Variants in FKBP8 observed in about 807,000 individuals in gnomAD.
FKBP8 encodes the protein peptidyl-prolyl cis-trans isomerase FKBP8.
In FKBP8, 5 loss-of-function variants were observed where a neutral mutation model predicts 41.7. The observed-to-expected ratio is 0.12, with a 90% CI of 0.06 to 0.25. FKBP8 has a LOEUF of 0.25. FKBP8 is among the 10% of genes least tolerant of loss of function. The pLI, the probability that FKBP8 is intolerant of heterozygous loss-of-function variation, is 1.00. For missense variants in FKBP8, 397 were observed against 563.0 expected (o/e 0.71, Z 2.98); for synonymous variants, 279 against 254.5 (o/e 1.10, Z -0.92).
chr19:18,541,629 G>A, intron 2 of FKBP8, 50 bp downstream of exon 2: 1 of 1,553,322 alleles, frequency 6.4e-7, no homozygotes, highest in Non-Finnish European at 8.7e-7. Flanking sequence ...GAGGCTCAGG[G>A]GACGAGAGGG....
At chr19:18,532,497 G>C in intron 8 of FKBP8, 167 bp downstream of exon 8, 1 of 1,143,956 alleles carries the variant, frequency 8.7e-7, no homozygotes, top group Non-Finnish European at 1.2e-6. Flanking sequence ...TCCAGCTTGA[G>C]TTCCACCTTC....
At chr19:18,539,754 T>C in intron 2 of FKBP8, 34 bp from the exon 3 acceptor site, 2 of 1,599,508 alleles carry the variant, frequency 1.3e-6, no homozygotes, top group Non-Finnish European at 8.5e-7. Context: ...GCCTGTCACC[T>C]GGCAGCTCAA....
rs567709302 is a variant in FKBP8, at chr19:18,542,204, T to C, written c.-25-209A>G. On this transcript the variant is annotated intron_variant, in intron 1 of 8. Transcript: ENST00000608443. ...TCAAGCCCTTGGCATCAGGCTCAAA[T>C]AGTGTTAGCCATTATTAGAGCTAAT... 5 of 602,018 alleles carry C rather than the reference T, an allele frequency of 8.3e-6. No individual in the cohort carries two copies. The East Asian group carries it at 8.8e-5, about 11-fold the overall frequency. 37.3% of individuals were successfully genotyped at this position (602,018 alleles called of 1,614,324 possible).
intron 2 of FKBP8, among the ~76,000 whole-genome samples, chr19:18,541,077 G>A (rs559025563): frequency 2.6e-5 from 4 of 152,074 alleles, no homozygotes; most frequent in East Asian, 3.9e-4. Flanking sequence ...GTAGCAAGAC[G>A]TCTTCCACAG....
chr19:18,542,251 A>C, intron 1 of FKBP8: 1 of 420,126 alleles, frequency 2.4e-6, no homozygotes. Context: ...GTTTACAAAT[A>C]CTCCAGGAAG....
chr19:18,531,804 C>T lies in FKBP8; in HGVS notation c.*365G>A, dbSNP rs1468307630. ...TTATTTCACTGTGGCGGGGAGGGAACCTGGACAGGGGGCGGCAGGCGGGGT... is the reference window on the plus strand; with the variant it reads ...TTATTTCACTGTGGCGGGGAGGGAATCTGGACAGGGGGCGGCAGGCGGGGT... On this transcript the variant is annotated 3_prime_UTR_variant, in exon 9 of 9. Transcript: ENST00000608443. 3.9e-6 allele frequency: 1 copy of T among 253,612 alleles called. No homozygotes were observed. Among genetic ancestry groups the T allele is most frequent in the Admixed American group, 4.7e-5 (1 of 21,418 alleles). 15.7% of individuals were successfully genotyped at this position (253,612 alleles called of 1,614,324 possible).
At chr19:18,534,328 A>C (rs1299760483) in intron 6 of FKBP8, among the ~76,000 whole-genome samples, 24 of 152,096 alleles carry the variant, frequency 1.6e-4, no homozygotes, top group Admixed American at 1.2e-3. Flanking sequence ...AACAAACAAA[A>C]AAAACAGCCA....
Position 18,539,603 on chromosome 19 carries a change from A to C in FKBP8, c.410T>G (p.Val137Gly). The change falls in exon 3 of 9, where the codon GTG becomes GGG. Residue 137 changes from valine to glycine, a missense_variant. Transcript: ENST00000608443. ...LQTSLENGTR[V>G]QEEPELVFTL... Reference sequence around the variant, plus strand: ...GAACACCAGCTCCGGCTCCTCCTGCACCCGTGTGCCATTCTCCAGCGACGT... The same window carrying C: ...GAACACCAGCTCCGGCTCCTCCTGCCCCCGTGTGCCATTCTCCAGCGACGT... 1 of 1,613,158 alleles carries C rather than the reference A, an allele frequency of 6.2e-7. No homozygotes were observed. Among genetic ancestry groups the C allele is most frequent in the South Asian group, 1.1e-5 (1 of 91,088 alleles).
At position 18,537,556 on chromosome 19, in the gene FKBP8, T is replaced by C; in HGVS notation, c.945+45A>G. 2 of 1,530,042 alleles carry C rather than the reference T, an allele frequency of 1.3e-6. No individual in the cohort carries two copies. Among genetic ancestry groups the C allele is most frequent in the South Asian group, 2.5e-5 (2 of 80,502 alleles). 94.8% of individuals were successfully genotyped at this position (1,530,042 alleles called of 1,614,324 possible). A position where few individuals can be genotyped will look rare whatever the true frequency, so the allele number is the denominator to read the frequency against. On this transcript the variant is annotated intron_variant, in intron 6 of 8. Transcript: ENST00000608443. The surrounding 1 kb of genome is among the most constrained non-coding windows in gnomAD (Gnocchi z 4.4). ...ATGCAGGGTTGGGGACCACCCCGTA[T>C]ACCCCAGGCTGAGTGACCCGGCCTG... is the stretch of plus-strand genomic sequence containing the variant.
chr19:18,536,834 C>A (rs143626141), intron 6 of FKBP8, among the ~76,000 whole-genome samples: 5 of 152,238 alleles, frequency 3.3e-5, no homozygotes, highest in Non-Finnish European at 5.9e-5. Flanking sequence ...GTCGGCAATG[C>A]CTACGCAAAG....
chr19:18,531,830 G>A lies in FKBP8; in HGVS notation c.*339C>T. The A allele has an allele frequency of 3.4e-6, 1 of 292,454 alleles. No homozygotes were observed. Among genetic ancestry groups the A allele is most frequent in the Non-Finnish European group, 6.6e-6 (1 of 150,962 alleles). The allele number at this position is 292,454 out of a possible 1,614,324, so 18.1% of individuals were successfully genotyped here. On this transcript the variant is annotated 3_prime_UTR_variant, in exon 9 of 9. Coordinates refer to ENST00000608443, the MANE Select transcript of FKBP8 (RefSeq NM_012181.5). ...CTGGACAGGGGGCGGCAGGCGGGGTGGGGGGCTGGCACTCAGGCGGGGACT... is the reference window on the plus strand; with the variant it reads ...CTGGACAGGGGGCGGCAGGCGGGGTAGGGGGCTGGCACTCAGGCGGGGACT...
intron 7 of FKBP8, 79 bp from the exon 8 acceptor site, chr19:18,532,874 G>A: frequency 6.4e-7 from 1 of 1,568,212 alleles, no homozygotes; most frequent in Non-Finnish European, 8.6e-7. Flanking sequence ...GGGACCCTAG[G>A]CTGTTTGGGT....
rs1489317297 is a variant in FKBP8 at position 18,541,873 on chromosome 19, G to A, written c.98C>T (p.Ala33Val). 2 of 1,613,660 alleles carry A rather than the reference G, an allele frequency of 1.2e-6. No homozygotes were observed. The highest frequency in any genetic ancestry group is 2.2e-5 in the East Asian group (1 of 44,866). Residue 33 changes from alanine to valine, a missense_variant, in exon 2 of 9, where the codon GCA (alanine) becomes GTA (valine). Ala to Val is a moderately conservative substitution (Grantham distance 64, BLOSUM62 0). Coordinates refer to ENST00000608443, the MANE Select transcript of FKBP8 (RefSeq NM_012181.5). ...DFEVLDGVED[A>V]EGEEEEEEEE... ...CTCCTCCTCTTCCTCCTCACCCTCT[G>A]CATCCTCAACCCCATCCAGTACCTC...
chr19:18,540,001 GT>G (rs1194450750), intron 2 of FKBP8, among the ~76,000 whole-genome samples: 43 of 144,750 alleles, frequency 3.0e-4, no homozygotes, highest in African/African-American at 2.5e-4. Context: ...TTGTTTTTTT[GT>G]TTTTTTTTTT....
chr19:18,542,169 A>C, intron 1 of FKBP8, 174 bp from the exon 2 acceptor site: 1 of 885,912 alleles, frequency 1.1e-6, no homozygotes. Context: ...GGGAGAAATT[A>C]ACCCATGCAT....
chr19:18,542,304 C>A (rs1976721368), intron 1 of FKBP8: 1 of 286,480 alleles, frequency 3.5e-6, no homozygotes. Context: ...AGGAAACAGG[C>A]CAGAGGGGCA....
rs1200293721 is a variant in FKBP8, at chr19:18,543,077, G to GC, written c.-26+408dup. The GC allele has an allele frequency of 3.0e-4, 83 of 275,640 alleles. 1 individual carries two copies. Among genetic ancestry groups the GC allele is most frequent in the South Asian group, 1.3e-3 (52 of 41,478 alleles). The allele number at this position is 275,640 out of a possible 1,614,324, so 17.1% of individuals were successfully genotyped here. A position where few individuals can be genotyped will look rare whatever the true frequency, so the allele number is the denominator to read the frequency against. On this transcript the variant is annotated intron_variant, in intron 1 of 8. Transcript: ENST00000608443. ...CGTAAACACTCCAGTGTCCCCAGAC[G>GC]CCCCCCCCTTTCCGATCCCATAACA...
chr19:18,537,151 C>T lies in FKBP8; in HGVS notation c.945+450G>A, dbSNP rs900420889. 1.3e-5 allele frequency among the ~76,000 whole-genome samples: 2 copies of T among 152,054 alleles called. No individual in the cohort carries two copies. Among genetic ancestry groups the T allele is most frequent in the Admixed American group, 6.6e-5 (1 of 15,242 alleles). On this transcript the variant is annotated intron_variant, in intron 6 of 8. Coordinates refer to ENST00000608443, the MANE Select transcript of FKBP8 (RefSeq NM_012181.5). This position sits in a 1 kb window ranked among gnomAD's most constrained non-coding sequence, Gnocchi z 4.4. ...GTCAGGAGTTCGAGACCAGCCTGGC[C>T]AATATGGCTAACCACATCTCTACTA...
rs771523688 is a variant in FKBP8, at chr19:18,532,755, G to T, written c.1064C>A (p.Ala355Glu). 3 of 1,613,924 alleles carry T rather than the reference G, an allele frequency of 1.9e-6. No individual in the cohort carries two copies. Among genetic ancestry groups the T allele is most frequent in the African/African-American group, 2.7e-5 (2 of 74,940 alleles). ...AELSKLVKKHAAQRSTETALY... is the reference protein window; with the variant it reads ...AELSKLVKKHEAQRSTETALY... ...GGCGGTCTCCGTGCTCCGCTGCGCCGCATGCTTCTTCACCAGCTTTGAGAG... is the reference window on the plus strand; with the variant it reads ...GGCGGTCTCCGTGCTCCGCTGCGCCTCATGCTTCTTCACCAGCTTTGAGAG... Residue 355 changes from alanine to glutamate, a missense_variant, in exon 8 of 9, where the codon GCG becomes GAG. Ala to Glu is a moderately radical substitution (Grantham distance 107, BLOSUM62 -1). This residue lies in a region of FKBP8 where 225 missense variants were observed against 366.8 expected (regional missense o/e 0.61). Transcript: ENST00000608443.
Sources: gnomAD v4.1 joint callset for allele counts (sites outside exome capture counted in the v4.1 genomes callset) on GRCh38, gnomAD v4.1.1 for gene constraint, gnomAD v4.1.1 regional missense constraint, Gnocchi (gnomAD v3.1) non-coding constraint, MANE v1.5 for transcripts, NCBI Gene and HGNC (gene_info 2026-07-23, HGNC 2026-07-21) for gene names.